Variants in ANKRD6 observed in about 807,000 individuals in gnomAD.
ANKRD6 encodes ankyrin repeat domain 6, also known as ankyrin repeat domain-containing protein 6.
Under a neutral mutation model 82.3 loss-of-function variants are expected in ANKRD6, and 56 were observed. The observed-to-expected ratio is 0.68, with a 90% confidence interval of 0.55 to 0.85. ANKRD6 has a LOEUF of 0.85. ANKRD6 is among the 40% of genes least tolerant of loss of function. The pLI is 0.00. For synonymous variants in ANKRD6, 347 were observed against 352.1 expected, an observed-to-expected ratio of 0.99 and a Z score of 0.16; for missense variants, 852 against 907.6, an observed-to-expected ratio of 0.94 and a Z score of 0.79.
intron 1 of ANKRD6, among the ~76,000 whole-genome samples, chr6:89,535,041 G>A (rs1196010410): frequency 6.6e-6 from 1 of 152,168 alleles, no homozygotes; most frequent in Non-Finnish European, 1.5e-5. Context: ...TGGACTCTCA[G>A]CTCAGCTTAA....
intron 1 of ANKRD6, among the ~76,000 whole-genome samples, chr6:89,526,576 C>T (rs1303816988): frequency 6.6e-6 from 1 of 152,142 alleles, no homozygotes; most frequent in African/African-American, 2.4e-5. Context: ...TTTACCATTT[C>T]CTGATGGGTA....
At chr6:89,514,586 A>G (rs1780987644) in intron 1 of ANKRD6, among the ~76,000 whole-genome samples, 1 of 152,196 alleles carries the variant, frequency 6.6e-6, no homozygotes, top group Admixed American at 6.5e-5. Context: ...GTCATAATAT[A>G]TTTTGTGGAA....
At chr6:89,474,234 C>G (rs1775797954) in intron 1 of ANKRD6, among the ~76,000 whole-genome samples, 1 of 152,206 alleles carries the variant, frequency 6.6e-6, no homozygotes, top group African/African-American at 2.4e-5. Flanking sequence ...CAGAAAACCT[C>G]ACAGTGAAGG....
chr6:89,589,029 G>A (rs963612874), intron 2 of ANKRD6, among the ~76,000 whole-genome samples: 5 of 150,888 alleles, frequency 3.3e-5, no homozygotes, highest in African/African-American at 1.2e-4. Context: ...GGTGTTCCAG[G>A]AATGGCTAAG....
intron 1 of ANKRD6, among the ~76,000 whole-genome samples, chr6:89,445,754 A>G (rs1007508848): frequency 2.0e-5 from 3 of 150,768 alleles, no homozygotes; most frequent in African/African-American, 7.3e-5. Flanking sequence ...CAATTTTTGT[A>G]TTTTTAGTAG....
At chr6:89,460,806 ATGAG>A (rs1265347764) in intron 1 of ANKRD6, among the ~76,000 whole-genome samples, 1 of 151,996 alleles carries the variant, frequency 6.6e-6, no homozygotes, top group East Asian at 1.9e-4. Flanking sequence ...TCATTTCAGA[ATGAG>A]AGAGTGGAGA....
intron 1 of ANKRD6, among the ~76,000 whole-genome samples, chr6:89,561,799 A>G (rs541217208): frequency 6.6e-6 from 1 of 152,048 alleles, no homozygotes; most frequent in South Asian, 2.1e-4. Context: ...TCTGCTGGCA[A>G]TTTGTTTCCC....
At chr6:89,612,017 C>A (rs1179903) in intron 5 of ANKRD6, among the ~76,000 whole-genome samples, 33,716 of 152,192 alleles carry the variant, frequency 0.22, 4,148 homozygotes, top group African/African-American at 0.32. Flanking sequence ...TTTGAAAAGG[C>A]TGGCTTTTAG....
chr6:89,603,169 A>G lies in ANKRD6; in HGVS notation c.318+42A>G, dbSNP rs1428596936. 1.9e-6 allele frequency: 3 copies of G among 1,556,308 alleles called. No homozygotes were observed. In the African/African-American group the frequency reaches 4.1e-5, roughly 21 times the overall value. On this transcript the variant is annotated intron_variant, in intron 4 of 15. Coordinates refer to ENST00000339746, the MANE Select transcript of ANKRD6 (RefSeq NM_001242809.2). The stretch of plus-strand genomic sequence containing the variant: ...CTTCCTTACTCCCCAAGGCAAGGGA[A>G]GCCAGTGGCTCAGGGGAGCTGGAGG...
chr6:89,577,713 A>G (rs1791451806), intron 2 of ANKRD6, among the ~76,000 whole-genome samples: 1 of 152,184 alleles, frequency 6.6e-6, no homozygotes, highest in African/African-American at 2.4e-5. Flanking sequence ...GCTACATAGG[A>G]GGCTGAGGTG....
chr6:89,600,684 C>T (rs907963944), intron 3 of ANKRD6, among the ~76,000 whole-genome samples: 4 of 152,044 alleles, frequency 2.6e-5, no homozygotes, highest in Admixed American at 6.6e-5. Flanking sequence ...TGGGAAATTC[C>T]GTCACCATTC....
At chr6:89,558,695 G>T (rs1335885292) in intron 1 of ANKRD6, among the ~76,000 whole-genome samples, 1 of 151,830 alleles carries the variant, frequency 6.6e-6, no homozygotes, top group African/African-American at 2.4e-5. Context: ...GTACAACACA[G>T]AGTGAACCCT....
chr6:89,496,891 C>T (rs759114622), intron 1 of ANKRD6, among the ~76,000 whole-genome samples: 6 of 152,176 alleles, frequency 3.9e-5, no homozygotes, highest in Non-Finnish European at 7.4e-5. Context: ...TAAGCATAAA[C>T]ACTCACCTTT....
At chr6:89,498,181 C>A (rs1261103068) in intron 1 of ANKRD6, among the ~76,000 whole-genome samples, 1 of 152,184 alleles carries the variant, frequency 6.6e-6, no homozygotes, top group Non-Finnish European at 1.5e-5. Context: ...GTCAGTCTTA[C>A]TCCCTCTTCC....
intron 12 of ANKRD6, 157 bp from the exon 13 acceptor site, chr6:89,624,382 T>C (rs4487551): frequency 0.85 from 795,007 of 937,210 alleles, 338,473 homozygotes; most frequent in East Asian, 1. Context: ...ACACCCAAAA[T>C]TTGGCCTATA....
chr6:89,609,343 C>T (rs1483767432), intron 5 of ANKRD6, among the ~76,000 whole-genome samples: 3 of 152,066 alleles, frequency 2.0e-5, no homozygotes. Flanking sequence ...CTCTTGTTGC[C>T]CAGGCTGGAG....
intron 1 of ANKRD6, among the ~76,000 whole-genome samples, chr6:89,520,548 A>AT (rs1016802925): frequency 6.6e-6 from 1 of 152,238 alleles, no homozygotes; most frequent in Non-Finnish European, 1.5e-5. Flanking sequence ...TTCCTGGATT[A>AT]TTAATGGCTT....
chr6:89,623,605 G>A (rs1337593646), intron 11 of ANKRD6, 61 bp downstream of exon 11: 22 of 1,540,070 alleles, frequency 1.4e-5, no homozygotes, highest in Non-Finnish European at 1.7e-5. Flanking sequence ...CGAGGGTCCT[G>A]GCAGAGCGTC....
intron 1 of ANKRD6, among the ~76,000 whole-genome samples, chr6:89,540,366 A>G (rs1784320514): frequency 6.6e-6 from 1 of 152,098 alleles, no homozygotes; most frequent in African/African-American, 2.4e-5. Flanking sequence ...TTTGGTTTGC[A>G]TTTCTCTGAT....
Sources: allele counts gnomAD v4.1 joint callset (sites outside exome capture counted in the v4.1 genomes callset), GRCh38; gene constraint gnomAD v4.1.1; transcripts MANE v1.5; gene names NCBI Gene and HGNC (gene_info 2026-07-23, HGNC 2026-07-21).